The following TSGA10 variants were observed in gnomAD, a reference collection of about 807,000 sequenced individuals.
TSGA10 encodes the protein testis specific 10.
A neutral mutation model predicts 96.6 loss-of-function variants in TSGA10; 43 were observed. The observed-to-expected ratio is 0.44, with a 90% CI of 0.35 to 0.57. The LOEUF (loss-of-function observed/expected upper bound fraction) is 0.57, where lower values mean the gene tolerates loss of function less well. TSGA10 is among the 20% of genes least tolerant of loss of function. The probability of loss-of-function intolerance (pLI) is 0.01; values close to 1 mark genes in which losing one functional copy is unlikely to be tolerated. For missense variants in TSGA10, 703 were observed against 834.4 expected, an observed-to-expected ratio of 0.84 and a Z score of 1.94; for synonymous variants, 229 against 269.9, an observed-to-expected ratio of 0.85 and a Z score of 1.48.
intron 20 of TSGA10, among the ~76,000 whole-genome samples, chr2:99,007,431 T>C (rs2078601532): frequency 6.6e-6 from 1 of 151,726 alleles, no homozygotes; most frequent in Non-Finnish European, 1.5e-5. Flanking sequence ...ACCATGTAAA[T>C]AGAAACAACA....
chr2:99,143,566 G>T (rs2093600737), intron 1 of TSGA10, among the ~76,000 whole-genome samples: 1 of 151,626 alleles, frequency 6.6e-6, no homozygotes, highest in East Asian at 2.0e-4. Flanking sequence ...CACCTTTCAG[G>T]TTGAAGCAGT....
At chr2:99,102,704 A>G (rs1216782686) in intron 10 of TSGA10, 17 of 1,612,230 alleles carry the variant, frequency 1.1e-5, no homozygotes, top group Non-Finnish European at 1.4e-5. Flanking sequence ...ATGTGATCAC[A>G]GCGGAGATGG....
chr2:99,039,679 G>C (rs1424762358), intron 16 of TSGA10, among the ~76,000 whole-genome samples: 1 of 152,002 alleles, frequency 6.6e-6, no homozygotes, highest in Admixed American at 6.6e-5. Context: ...TGAATTCACA[G>C]CTGAATTCTG....
intron 11 of TSGA10, among the ~76,000 whole-genome samples, chr2:99,080,019 TAA>T (rs1309472603): frequency 6.6e-6 from 1 of 152,188 alleles, no homozygotes; most frequent in Admixed American, 6.5e-5. Context: ...AATACATCTC[TAA>T]AATAGCTCTA....
intron 1 of TSGA10, among the ~76,000 whole-genome samples, chr2:99,129,751 A>C (rs1352768194): frequency 6.6e-6 from 1 of 152,138 alleles, no homozygotes; most frequent in Admixed American, 6.6e-5. Flanking sequence ...TTCTTAAAAA[A>C]AATTATTTTT....
chr2:99,098,228 G>C (rs1340896454), intron 10 of TSGA10, among the ~76,000 whole-genome samples: 2 of 151,930 alleles, frequency 1.3e-5, no homozygotes, highest in African/African-American at 4.8e-5. Context: ...ACGAGGTCAG[G>C]AGTTTGAGAC....
chr2:99,114,935 T>TAA (rs1466414528), intron 4 of TSGA10, among the ~76,000 whole-genome samples: 21 of 152,244 alleles, frequency 1.4e-4, no homozygotes, highest in African/African-American at 4.8e-4. Flanking sequence ...TCAATATTGA[T>TAA]ATATATATAT....
chr2:99,147,443 C>T (rs1466249817), intron 1 of TSGA10: 1 of 1,612,954 alleles, frequency 6.2e-7, no homozygotes, highest in Non-Finnish European at 8.5e-7. Context: ...TCCAAAGAGG[C>T]CCCCAATAGA....
At chr2:99,033,827 G>A (rs971609399) in intron 17 of TSGA10, among the ~76,000 whole-genome samples, 11 of 151,828 alleles carry the variant, frequency 7.2e-5, no homozygotes, top group South Asian at 4.2e-4. Context: ...GTGACAGAGC[G>A]AAACGAAACA....
intron 4 of TSGA10, among the ~76,000 whole-genome samples, chr2:99,112,234 A>C (rs1476523871): frequency 1.3e-5 from 2 of 152,144 alleles, no homozygotes; most frequent in African/African-American, 4.8e-5. Flanking sequence ...AAAGGTAAAA[A>C]TCTCTGCCCT....
chr2:99,001,835 G>A (rs892473294), intron 20 of TSGA10, among the ~76,000 whole-genome samples: 17 of 152,092 alleles, frequency 1.1e-4, no homozygotes, highest in Admixed American at 8.5e-4. Context: ...ACTACATGAC[G>A]CATGCACAAG....
At chr2:99,038,490 C>T (rs1360172323) in intron 16 of TSGA10, among the ~76,000 whole-genome samples, 2 of 151,946 alleles carry the variant, frequency 1.3e-5, no homozygotes, top group Non-Finnish European at 1.5e-5. Flanking sequence ...AAACCAAAAG[C>T]GAGCAGGAGT....
At chr2:99,147,888 A>G (rs1419369821) in intron 1 of TSGA10, among the ~76,000 whole-genome samples, 2 of 152,232 alleles carry the variant, frequency 1.3e-5, no homozygotes, top group Non-Finnish European at 2.9e-5. Context: ...TCCTAAGAAC[A>G]AGGACATTGA....
rs574235173 is a variant in TSGA10 at position 99,115,731 on chromosome 2, T to C, written c.-140+1813A>G. On this transcript the variant is annotated intron_variant, in intron 4 of 20. Coordinates refer to ENST00000393483, the MANE Select transcript of TSGA10 (RefSeq NM_025244.4). Reference sequence around the variant, plus strand: ...CCTATTTCTACTAAAAATATGAAAATTAGATGGGTGTGGTCGTGGGTGCCT... The same window carrying C: ...CCTATTTCTACTAAAAATATGAAAACTAGATGGGTGTGGTCGTGGGTGCCT... Among the ~76,000 whole-genome samples, 5 of 151,918 alleles carry C rather than the reference T, an allele frequency of 3.3e-5. No individual in the cohort carries two copies. The East Asian group carries it at 9.7e-4, about 29-fold the overall frequency.
At chr2:99,140,958 A>C in intron 1 of TSGA10, 1 of 601,534 alleles carries the variant, frequency 1.7e-6, no homozygotes, top group Non-Finnish European at 2.3e-6. Flanking sequence ...TCCCGCTGCT[A>C]GCGCCCAACT....
Position 99,068,919 on chromosome 2 carries a change from A to G in TSGA10, c.1187T>C (p.Val396Ala). 1.4e-6 allele frequency: 2 copies of G among 1,464,572 alleles called. No individual in the cohort carries two copies. The highest frequency in any genetic ancestry group is 2.6e-5 in the East Asian group (1 of 37,978). The allele number at this position is 1,464,572 out of a possible 1,614,324, so 90.7% of individuals were successfully genotyped here. A position where few individuals can be genotyped will look rare whatever the true frequency, so the allele number is the denominator to read the frequency against. Residue 396 changes from valine (V) to alanine (A), a missense_variant, in exon 15 of 21, where the codon GTT becomes GCT. Physicochemically the swap from Val to Ala is moderately conservative, Grantham distance 64 (BLOSUM62 0). Coordinates refer to ENST00000393483, the MANE Select transcript of TSGA10 (RefSeq NM_025244.4). Reference protein sequence around the residue: ...KQKVQDTNLEVNKLKNILKSE... With the variant: ...KQKVQDTNLEANKLKNILKSE... Reference sequence around the variant, plus strand: ...CTTTAATATATTCTTCAGCTTGTTAACCTCCAAATTAGTATCTTGAACCTT... The same window carrying G: ...CTTTAATATATTCTTCAGCTTGTTAGCCTCCAAATTAGTATCTTGAACCTT...
At chr2:99,045,973 A>G (rs2082730699) in intron 16 of TSGA10, among the ~76,000 whole-genome samples, 1 of 152,228 alleles carries the variant, frequency 6.6e-6, no homozygotes. Flanking sequence ...AAAGAGACAA[A>G]GAAGGCCATT....
intron 10 of TSGA10, among the ~76,000 whole-genome samples, chr2:99,099,102 C>T (rs554466030): frequency 7.9e-5 from 12 of 152,128 alleles, no homozygotes; most frequent in African/African-American, 1.2e-4. Context: ...CACCTGAGGT[C>T]GGGAGTTCAA....
In TSGA10 at chr2:99,018,314, T is replaced by A. The variant is rs1354409350; in HGVS notation, c.1958A>T (p.Tyr653Phe). Residue 653 changes from tyrosine to phenylalanine, a missense_variant, in exon 20 of 21, where the codon TAT becomes TTT. This residue lies in a region of TSGA10 where 69 missense variants were observed against 81.3 expected (regional missense o/e 0.85). Coordinates refer to ENST00000393483, the MANE Select transcript of TSGA10 (RefSeq NM_025244.4). ...ACTCATATGATAAGCATTACTTGAA[T>A]AATTTTGGCGGCGAAGTTCTTGTAC... ...RAVQELRRQN[Y>F]SSNAYHMSST... 2 of 1,614,190 alleles carry A rather than the reference T, an allele frequency of 1.2e-6. No homozygotes were observed. The highest frequency in any genetic ancestry group is 2.2e-5 in the East Asian group (1 of 44,880).
Sources: gnomAD v4.1 joint callset for allele counts (sites outside exome capture counted in the v4.1 genomes callset) on GRCh38, gnomAD v4.1.1 for gene constraint, gnomAD v4.1.1 regional missense constraint, MANE v1.5 for transcripts, NCBI Gene and HGNC (gene_info 2026-07-23, HGNC 2026-07-21) for gene names.